EXOC4: variants seen among roughly 807,000 people sequenced by gnomAD.
EXOC4 encodes exocyst complex component 4, also known as SEC8-like 1.
A neutral mutation model predicts 107.2 loss-of-function variants in EXOC4; 71 were observed. The observed-to-expected ratio is 0.66, with a 90% confidence interval of 0.55 to 0.81. The LOEUF is 0.81. Among genes scored for constraint, EXOC4 ranks in the 30% least tolerant of loss-of-function variants. The pLI, the probability that EXOC4 is intolerant of heterozygous loss-of-function variation, is 0.00. For synonymous variants in EXOC4, 456 were observed against 441.2 expected (o/e 1.03, Z -0.42); for missense variants, 1,108 against 1,189.6 (o/e 0.93, Z 1.01).
intron 11 of EXOC4, among the ~76,000 whole-genome samples, chr7:133,836,903 G>A (rs1309323850): frequency 6.6e-6 from 1 of 152,082 alleles, no homozygotes; most frequent in East Asian, 1.9e-4. Flanking sequence ...TTATACTGTG[G>A]GGGATGTGGG....
intron 6 of EXOC4, among the ~76,000 whole-genome samples, chr7:133,372,160 G>A (rs1222911976): frequency 2.0e-5 from 3 of 152,110 alleles, no homozygotes; most frequent in Non-Finnish European, 2.9e-5. Context: ...CTCATTTTAT[G>A]TATTGCCTTT....
intron 9 of EXOC4, among the ~76,000 whole-genome samples, chr7:133,600,602 C>T (rs1194065510): frequency 6.6e-6 from 1 of 152,090 alleles, no homozygotes; most frequent in Admixed American, 6.5e-5. Context: ...AATAATTCAG[C>T]ATTTACATTT....
At chr7:133,456,161 A>G (rs1417806224) in intron 7 of EXOC4, among the ~76,000 whole-genome samples, 3 of 152,166 alleles carry the variant, frequency 2.0e-5, no homozygotes, top group African/African-American at 7.2e-5. Context: ...TATTCCAGCC[A>G]TTATCATTAT....
chr7:133,263,750 CA>C (rs1159369033), intron 1 of EXOC4, among the ~76,000 whole-genome samples: 6 of 144,218 alleles, frequency 4.2e-5, no homozygotes, highest in Non-Finnish European at 7.5e-5. Context: ...TGTGTGTTTA[CA>C]TATGTATATG....
At chr7:133,376,103 T>C (rs1796484703) in intron 7 of EXOC4, among the ~76,000 whole-genome samples, 1 of 152,194 alleles carries the variant, frequency 6.6e-6, no homozygotes, top group Admixed American at 6.5e-5. Context: ...ATGTAAATTA[T>C]AGTCATTTTT....
At chr7:133,847,538 T>TA (rs1798154751) in intron 11 of EXOC4, among the ~76,000 whole-genome samples, 1 of 26,340 alleles carries the variant, frequency 3.8e-5, no homozygotes, top group African/African-American at 1.1e-3. Flanking sequence ...ACACCAGCTA[T>TA]TTTTTTTTTT....
At position 133,845,334 on chromosome 7, in the gene EXOC4, T is replaced by TGTG. The variant is rs757397253; in HGVS notation, c.1734+27790_1734+27791insGTG. Among the ~76,000 whole-genome samples, 965 of 136,778 alleles carry TGTG rather than the reference T, an allele frequency of 7.1e-3. 7 individuals carry two copies. Among genetic ancestry groups the TGTG allele is most frequent in the Middle Eastern group, 0.019 (5 of 270 alleles). 89.7% of individuals were successfully genotyped at this position (136,778 alleles called of 152,430 possible). On this transcript the variant is annotated intron_variant, in intron 11 of 17. Transcript: ENST00000253861. ...CCAACTAGCATGATAGGCAGGTTAGTAGTGTGTGTGTGTGTGTGTGTGTGT... is the reference window on the plus strand; with the variant it reads ...CCAACTAGCATGATAGGCAGGTTAGTGTGAGTGTGTGTGTGTGTGTGTGTGTGT...
At chr7:133,269,762 A>G (rs1303049970) in intron 1 of EXOC4, among the ~76,000 whole-genome samples, 1 of 152,170 alleles carries the variant, frequency 6.6e-6, no homozygotes, top group Non-Finnish European at 1.5e-5. Flanking sequence ...ATGTTGTGGG[A>G]TATAAAACCT....
At chr7:133,827,143 G>A (rs1797722121) in intron 11 of EXOC4, among the ~76,000 whole-genome samples, 2 of 152,188 alleles carry the variant, frequency 1.3e-5, no homozygotes, top group South Asian at 4.1e-4. Context: ...TCATGGAATA[G>A]GAAATTGACC....
intron 7 of EXOC4, among the ~76,000 whole-genome samples, chr7:133,388,152 G>C (rs1470909351): frequency 1.3e-5 from 2 of 152,120 alleles, no homozygotes; most frequent in African/African-American, 4.8e-5. Context: ...AACATGTTCA[G>C]AAATTGAACC....
chr7:133,913,392 C>T (rs970131494), intron 12 of EXOC4, among the ~76,000 whole-genome samples: 7 of 152,162 alleles, frequency 4.6e-5, no homozygotes, highest in Non-Finnish European at 7.3e-5. Flanking sequence ...GTGAGTTCAA[C>T]TGATGGTCTT....
chr7:133,500,595 T>C (rs1328744014), intron 9 of EXOC4, among the ~76,000 whole-genome samples: 1 of 152,216 alleles, frequency 6.6e-6, no homozygotes, highest in East Asian at 1.9e-4. Flanking sequence ...AATGCTGCCC[T>C]GAACATTTGT....
intron 9 of EXOC4, among the ~76,000 whole-genome samples, chr7:133,618,483 T>A (rs1802248145): frequency 6.6e-6 from 1 of 152,182 alleles, no homozygotes; most frequent in Non-Finnish European, 1.5e-5. Context: ...CAATCAAGAC[T>A]GAGCAAATGG....
the EXOC4 span, among the ~76,000 whole-genome samples, chr7:134,073,350 T>A: frequency 7.5e-3 from 1,134 of 151,368 alleles, 12 homozygotes; most frequent in East Asian, 0.028. Context: ...GACGTTCTGA[T>A]CTTACACGAT....
intron 14 of EXOC4, among the ~76,000 whole-genome samples, chr7:133,948,765 G>T (rs4728303): frequency 0.31 from 47,284 of 152,068 alleles, 7,807 homozygotes; most frequent in Non-Finnish European, 0.36. Context: ...CAAGGCATGA[G>T]CATGAAATGC....
intron 4 of EXOC4, among the ~76,000 whole-genome samples, chr7:133,308,675 T>C (rs1794806120): frequency 6.6e-6 from 1 of 152,130 alleles, no homozygotes; most frequent in African/African-American, 2.4e-5. Context: ...AACAAGACCT[T>C]GGTCTGCAAG....
chr7:133,781,191 CA>C (rs1222697064), intron 10 of EXOC4, among the ~76,000 whole-genome samples: 1 of 152,156 alleles, frequency 6.6e-6, no homozygotes, highest in East Asian at 1.9e-4. Context: ...GTGTTGAATT[CA>C]AAACCATTTG....
chr7:133,604,836 G>A (rs1226870139), intron 9 of EXOC4, among the ~76,000 whole-genome samples: 3 of 144,748 alleles, frequency 2.1e-5, no homozygotes, highest in Non-Finnish European at 4.5e-5. Flanking sequence ...TGTTTCTCCT[G>A]CCTCAGCCTC....
chr7:133,549,848 G>A (rs973829050), intron 9 of EXOC4, among the ~76,000 whole-genome samples: 2 of 152,164 alleles, frequency 1.3e-5, no homozygotes, highest in African/African-American at 4.8e-5. Context: ...TAAAAGTCTA[G>A]TAACCTTTTC....
Sources: gnomAD v4.1 joint callset for allele counts (sites outside exome capture counted in the v4.1 genomes callset) on GRCh38, gnomAD v4.1.1 for gene constraint, MANE v1.5 for transcripts, NCBI Gene and HGNC (gene_info 2026-07-23, HGNC 2026-07-21) for gene names.